Variants in GHR observed in about 807,000 individuals in gnomAD.
The protein encoded by GHR is growth hormone receptor.
GHR carries 35 observed loss-of-function variants against 67.1 expected under a neutral mutation model. That is an observed-to-expected ratio of 0.52 (90% CI 0.40 to 0.69). GHR has a LOEUF of 0.69. GHR is among the 30% of genes least tolerant of loss of function. GHR has a pLI of 0.00. For synonymous variants in GHR, 272 were observed against 269.1 expected (o/e 1.01, Z -0.10); for missense variants, 792 against 764.6 (o/e 1.04, Z -0.42).
At chr5:42,467,964 T>G in intron 1 of GHR, 1 of 716,232 alleles carries the variant, frequency 1.4e-6, no homozygotes, top group Non-Finnish European at 2.5e-6. Context: ...TTCCTTTCCC[T>G]CCTTATTCTC....
intron 1 of GHR, among the ~76,000 whole-genome samples, chr5:42,442,494 A>G (rs1336790547): frequency 6.6e-6 from 1 of 152,206 alleles, no homozygotes; most frequent in African/African-American, 2.4e-5. Flanking sequence ...GTGATAAACC[A>G]GGAATCTAAG....
chr5:42,445,208 G>T (rs1743755786), intron 1 of GHR, among the ~76,000 whole-genome samples: 1 of 152,126 alleles, frequency 6.6e-6, no homozygotes, highest in African/African-American at 2.4e-5. Context: ...AGTAATAGAT[G>T]GATTTATTCT....
In GHR at chr5:42,699,816, T is replaced by C. The variant is rs1424974564; in HGVS notation, c.440-8T>C. 6.3e-7 allele frequency: 1 copy of C among 1,593,618 alleles called. No homozygotes were observed. Among genetic ancestry groups the C allele is most frequent in the Non-Finnish European group, 8.6e-7 (1 of 1,161,432 alleles). On this transcript the variant is annotated splice_polypyrimidine_tract_variant and splice_region_variant and intron_variant, in intron 5 of 9. Coordinates refer to ENST00000230882, the MANE Select transcript of GHR (RefSeq NM_000163.5). ...GTCTGTGTACTAATGCTCTGTTGAA[T>C]TGCACAGTGCAACCAGATCCACCCA...
intron 3 of GHR, among the ~76,000 whole-genome samples, chr5:42,664,254 A>C (rs1755828266): frequency 1.3e-5 from 2 of 152,208 alleles, no homozygotes; most frequent in African/African-American, 4.8e-5. Flanking sequence ...CTTAAAGTTC[A>C]TATGGAACCA....
chr5:42,462,602 T>C (rs1424184416), intron 1 of GHR, among the ~76,000 whole-genome samples: 1 of 152,192 alleles, frequency 6.6e-6, no homozygotes, highest in Non-Finnish European at 1.5e-5. Flanking sequence ...ATAAGGTTAC[T>C]CATTATTGAA....
intron 1 of GHR, among the ~76,000 whole-genome samples, chr5:42,449,818 G>T (rs993169522): frequency 2.0e-5 from 3 of 152,136 alleles, no homozygotes; most frequent in Non-Finnish European, 4.4e-5. Flanking sequence ...TGCCAATTTT[G>T]TTGAGGGTTT....
In GHR at chr5:42,600,578, T is replaced by C. The variant is rs942018122; in HGVS notation, c.71-28460T>C. ...CTCCTGGCCTGGAGCACCTGCAACA[T>C]CTGAAACAAGAAATCCTTCATTGAA... On this transcript the variant is annotated intron_variant, in intron 2 of 9. Coordinates refer to ENST00000230882, the MANE Select transcript of GHR (RefSeq NM_000163.5). Among the ~76,000 whole-genome samples, 8 of 152,300 alleles carry C rather than the reference T, an allele frequency of 5.3e-5. 1 individual carries two copies. The highest frequency in any genetic ancestry group is 2.1e-4 in the South Asian group (1 of 4,826).
intron 1 of GHR, among the ~76,000 whole-genome samples, chr5:42,489,953 A>G (rs1406430699): frequency 6.6e-6 from 1 of 152,222 alleles, no homozygotes; most frequent in African/African-American, 2.4e-5. Context: ...AGACGAGAAA[A>G]AAAAACAATT....
intron 1 of GHR, among the ~76,000 whole-genome samples, chr5:42,488,573 G>A (rs1745980592): frequency 6.6e-6 from 1 of 152,116 alleles, no homozygotes; most frequent in Non-Finnish European, 1.5e-5. Flanking sequence ...CCTTGGCAGG[G>A]TTTTGATTGA....
intron 1 of GHR, among the ~76,000 whole-genome samples, chr5:42,453,525 C>T (rs950618591): frequency 6.6e-6 from 1 of 152,138 alleles, no homozygotes; most frequent in African/African-American, 2.4e-5. Context: ...TTCCTCAGCT[C>T]CCCTGCCAAG....
chr5:42,468,558 C>A, intron 1 of GHR: 1 of 881,666 alleles, frequency 1.1e-6, no homozygotes, highest in Non-Finnish European at 1.8e-6. Context: ...CTTATTCCTT[C>A]TTTCTTAAGC....
At chr5:42,488,927 A>G (rs1405694255) in intron 1 of GHR, among the ~76,000 whole-genome samples, 1 of 152,222 alleles carries the variant, frequency 6.6e-6, no homozygotes, top group Admixed American at 6.5e-5. Context: ...GCCCAAGTTC[A>G]TCGAGTTACT....
chr5:42,620,591 C>G (rs991346996), intron 2 of GHR, among the ~76,000 whole-genome samples: 24 of 152,046 alleles, frequency 1.6e-4, no homozygotes, highest in African/African-American at 5.8e-4. Context: ...AAAGAAGACA[C>G]AGATTGACCA....
At chr5:42,447,197 C>T (rs372196650) in intron 1 of GHR, among the ~76,000 whole-genome samples, 3 of 151,972 alleles carry the variant, frequency 2.0e-5, no homozygotes, top group African/African-American at 7.3e-5. Context: ...TTTGGTTCCA[C>T]GAATAAGTTC....
At chr5:42,562,644 CTTT>C (rs1212633265) in intron 1 of GHR, among the ~76,000 whole-genome samples, 53 of 77,738 alleles carry the variant, frequency 6.8e-4, no homozygotes, top group Middle Eastern at 9.8e-3. Flanking sequence ...GTTATAGTTC[CTTT>C]TTTTTTTTTT....
chr5:42,515,011 G>GGGTA (rs34393903), intron 1 of GHR: 68,460 of 151,520 alleles, frequency 0.45, 15,833 homozygotes, highest in Middle Eastern at 0.51. Context: ...AATTTGCAAA[G>GGGTA]GGTACTTAAG....
chr5:42,625,614 G>A (rs958339515), intron 2 of GHR, among the ~76,000 whole-genome samples: 10 of 152,174 alleles, frequency 6.6e-5, no homozygotes, highest in African/African-American at 1.7e-4. Flanking sequence ...TAAGAAATAC[G>A]TTGATTTGGT....
chr5:42,582,694 G>A (rs1751241588), intron 2 of GHR, among the ~76,000 whole-genome samples: 1 of 152,222 alleles, frequency 6.6e-6, no homozygotes. Context: ...CCTTTGGGGA[G>A]CCCAGACCTG....
At chr5:42,647,253 A>C (rs1754781421) in intron 3 of GHR, among the ~76,000 whole-genome samples, 1 of 152,086 alleles carries the variant, frequency 6.6e-6, no homozygotes, top group Non-Finnish European at 1.5e-5. Flanking sequence ...GCCAATTGCA[A>C]CTGAGAGCTT....
Sources: allele counts gnomAD v4.1 joint callset (sites outside exome capture counted in the v4.1 genomes callset), GRCh38; gene constraint gnomAD v4.1.1; transcripts MANE v1.5; gene names NCBI Gene and HGNC (gene_info 2026-07-23, HGNC 2026-07-21).